The following CAMSAP1 variants were observed in gnomAD, a reference collection of about 807,000 sequenced individuals.
CAMSAP1 encodes the protein calmodulin regulated spectrin associated protein 1.
In CAMSAP1, 58 loss-of-function variants were observed where a neutral mutation model predicts 143.5. That is an observed-to-expected ratio of 0.40 (90% CI 0.33 to 0.50). The LOEUF (loss-of-function observed/expected upper bound fraction) is 0.50. Ranked by LOEUF, CAMSAP1 falls within the 20% of genes least tolerant of loss-of-function variation. CAMSAP1 has a pLI of 0.45. For synonymous variants in CAMSAP1, 945 were observed against 859.3 expected, an observed-to-expected ratio of 1.10 and a Z score of -1.74; for missense variants, 1,969 against 2,115.7, an observed-to-expected ratio of 0.93 and a Z score of 1.36.
intron 1 of CAMSAP1, among the ~76,000 whole-genome samples, chr9:135,904,257 C>G (rs1350900717): frequency 6.6e-6 from 1 of 151,872 alleles, no homozygotes; most frequent in African/African-American, 2.4e-5. Flanking sequence ...AAAAGTTAGC[C>G]AGGCGTGGTG....
chr9:135,822,887 A>C lies in CAMSAP1; in HGVS notation c.1774T>G (p.Leu592Val), dbSNP rs764354946. ...TSESKPDSFF[L>V]EPLMPAVLKP... ...AGAACTGCTGGCATCAAAGGCTCCA[A>C]GAAAAAACTGTCAGGCTTACTTTCC... is the stretch of plus-strand genomic sequence containing the variant. Residue 592 changes from leucine (L) to valine (V), a missense_variant, in exon 11 of 17, where the codon TTG (leucine) becomes GTG (valine). By Grantham distance (32) the Leu-to-Val change is conservative. Around this residue, in one of 4 missense-constraint regions of CAMSAP1, gnomAD observed 1,390 missense variants for 1,420.8 expected, o/e 0.98. Coordinates refer to ENST00000389532, the MANE Select transcript of CAMSAP1 (RefSeq NM_015447.4). The surrounding 1 kb of genome is among the most constrained non-coding windows in gnomAD (Gnocchi z 6.1). The C allele has an allele frequency of 6.2e-7, 1 of 1,613,842 alleles. No individual in the cohort carries two copies. The highest frequency in any genetic ancestry group is 1.1e-5 in the South Asian group (1 of 91,078).
At chr9:135,858,199 A>T (rs1837046851) in intron 5 of CAMSAP1, among the ~76,000 whole-genome samples, 1 of 149,136 alleles carries the variant, frequency 6.7e-6, no homozygotes, top group African/African-American at 2.5e-5. Flanking sequence ...ACTTGTTCAG[A>T]GTCCAGATAT....
At chr9:135,897,931 A>T (rs893554704) in intron 1 of CAMSAP1, among the ~76,000 whole-genome samples, 4 of 152,214 alleles carry the variant, frequency 2.6e-5, no homozygotes, top group African/African-American at 9.7e-5. Flanking sequence ...TGAGTCAAAG[A>T]AGTAGTTATC....
chr9:135,852,580 G>A (rs552514300), intron 5 of CAMSAP1, among the ~76,000 whole-genome samples: 100 of 152,258 alleles, frequency 6.6e-4, no homozygotes, highest in African/African-American at 2.1e-3. Flanking sequence ...ACCAGCCAGC[G>A]CGGCTCCCTC....
rs768026892 is a variant in CAMSAP1, at chr9:135,818,974, T to C, written c.3959+36A>G. 3.1e-6 allele frequency: 5 copies of C among 1,597,790 alleles called. No homozygotes were observed. The highest frequency in any genetic ancestry group is 1.7e-5 in the Admixed American group (1 of 59,366). On this transcript the variant is annotated intron_variant, in intron 12 of 16. Coordinates refer to ENST00000389532, the MANE Select transcript of CAMSAP1 (RefSeq NM_015447.4). The surrounding 1 kb of genome is among the most constrained non-coding windows in gnomAD (Gnocchi z 7.7). ...GGCCGCCAGGGACCCACCAGGCTCC[T>C]GCTCAGTCTGCTTTCCCCCCCGGCG...
At chr9:135,849,202 C>G (rs1455130477) in intron 7 of CAMSAP1, among the ~76,000 whole-genome samples, 1 of 152,214 alleles carries the variant, frequency 6.6e-6, no homozygotes, top group Non-Finnish European at 1.5e-5. Flanking sequence ...CTTACACTAG[C>G]CTACAGCCGG....
At position 135,826,193 on chromosome 9, in the gene CAMSAP1, A is replaced by AGTTTCTTGTGC; in HGVS notation, c.1223+1213_1223+1214insGCACAAGAAAC. On this transcript the variant is annotated intron_variant, in intron 8 of 16. Coordinates refer to ENST00000389532, the MANE Select transcript of CAMSAP1 (RefSeq NM_015447.4). The surrounding 1 kb of genome is among the most constrained non-coding windows in gnomAD (Gnocchi z 4.4). ...ACAGAGCAGCGTGTACACGGGCACC[A>AGTTTCTTGTGC]GCACACACACACACACACACACGGC... The AGTTTCTTGTGC allele has an allele frequency of 6.8e-6, 1 of 146,262 alleles. No individual in the cohort carries two copies. The highest frequency in any genetic ancestry group is 1.6e-5 in the Non-Finnish European group (1 of 64,258). 9.1% of individuals were successfully genotyped at this position (146,262 alleles called of 1,614,324 possible).
rs1835439454 is a variant in CAMSAP1, at chr9:135,821,159, T to A, written c.3502A>T (p.Ser1168Cys). The A allele has an allele frequency of 6.2e-7, 1 of 1,611,790 alleles. No individual in the cohort carries two copies. The highest frequency in any genetic ancestry group is 1.7e-5 in the Admixed American group (1 of 60,016). The change falls in exon 11 of 17, where the codon AGT (serine) becomes TGT (cysteine). Residue 1168 changes from serine to cysteine, a missense_variant. Ser to Cys is a moderately radical substitution (Grantham distance 112). Transcript: ENST00000389532. This position sits in a 1 kb window ranked among gnomAD's most constrained non-coding sequence, Gnocchi z 4.6. Reference sequence around the variant, plus strand: ...TTGCTTTCATCATGGAGCCTGTAACTGTCGAAGAGACACTTCCCATGTGGG... The same window carrying A: ...TTGCTTTCATCATGGAGCCTGTAACAGTCGAAGAGACACTTCCCATGTGGG... ...GDPHGKCLFDSYRLHDESNQR... is the reference protein window; with the variant it reads ...GDPHGKCLFDCYRLHDESNQR...
intron 1 of CAMSAP1, among the ~76,000 whole-genome samples, chr9:135,904,822 G>A (rs1293587374): frequency 2.0e-5 from 3 of 152,146 alleles, no homozygotes; most frequent in East Asian, 3.8e-4. Context: ...AAAACTGGCC[G>A]GGAGTGGGGG....
At chr9:135,848,074 C>T (rs1010175151) in intron 7 of CAMSAP1, among the ~76,000 whole-genome samples, 8 of 151,062 alleles carry the variant, frequency 5.3e-5, no homozygotes, top group African/African-American at 7.3e-5. Flanking sequence ...AGAATAGAAA[C>T]GAATCTGAAA....
intron 15 of CAMSAP1, among the ~76,000 whole-genome samples, 153 bp downstream of exon 15, chr9:135,815,737 C>T (rs1835206963): frequency 6.6e-6 from 1 of 152,260 alleles, no homozygotes; most frequent in African/African-American, 2.4e-5. Flanking sequence ...CATTTCAGCA[C>T]CAAAGAGCTC....
chr9:135,869,431 A>G (rs1837494748), intron 3 of CAMSAP1, among the ~76,000 whole-genome samples: 2 of 151,396 alleles, frequency 1.3e-5, no homozygotes, highest in South Asian at 4.2e-4. Context: ...TGAACCCAGG[A>G]GGCAGAGGTT....
intron 1 of CAMSAP1, among the ~76,000 whole-genome samples, chr9:135,902,426 C>A (rs917142692): frequency 6.6e-6 from 1 of 152,160 alleles, no homozygotes; most frequent in Non-Finnish European, 1.5e-5. Context: ...AGTGGTTTCA[C>A]CTGTAAATTT....
In CAMSAP1 at chr9:135,818,968, G is replaced by C. The variant is rs762345738; in HGVS notation, c.3959+42C>G. 2 of 1,594,790 alleles carry C rather than the reference G, an allele frequency of 1.3e-6. No homozygotes were observed. Among genetic ancestry groups the C allele is most frequent in the South Asian group, 2.2e-5 (2 of 89,268 alleles). ...GACCGGGGCCGCCAGGGACCCACCAGGCTCCTGCTCAGTCTGCTTTCCCCC... is the reference window on the plus strand; with the variant it reads ...GACCGGGGCCGCCAGGGACCCACCACGCTCCTGCTCAGTCTGCTTTCCCCC... On this transcript the variant is annotated intron_variant, in intron 12 of 16. Coordinates refer to ENST00000389532, the MANE Select transcript of CAMSAP1 (RefSeq NM_015447.4). This position sits in a 1 kb window ranked among gnomAD's most constrained non-coding sequence, Gnocchi z 7.7.
At chr9:135,848,667 C>T (rs969371272) in intron 7 of CAMSAP1, among the ~76,000 whole-genome samples, 7 of 152,194 alleles carry the variant, frequency 4.6e-5, no homozygotes, top group African/African-American at 1.4e-4. Context: ...GTGGCTGTGG[C>T]TCACACACAC....
chr9:135,877,405 T>G (rs1332299600), intron 3 of CAMSAP1, among the ~76,000 whole-genome samples: 1 of 151,626 alleles, frequency 6.6e-6, no homozygotes, highest in Non-Finnish European at 1.5e-5. Context: ...TTACCTTGAT[T>G]GTGGTGAATG....
chr9:135,828,317 C>G lies in CAMSAP1; in HGVS notation c.1046-733G>C, dbSNP rs566703773. On this transcript the variant is annotated intron_variant, in intron 7 of 16. Transcript: ENST00000389532. The stretch of plus-strand genomic sequence containing the variant: ...ATGGTGGGGACCAGTGGGAGGGCAC[C>G]CACTAGGTGATGTGTTGTGAACATG... Among the ~76,000 whole-genome samples the G allele has an allele frequency of 3.3e-5, 5 of 152,310 alleles. No homozygotes were observed. In the East Asian group the frequency reaches 7.7e-4, roughly 24 times the overall value.
rs777466634 is a variant in CAMSAP1 at position 135,882,800 on chromosome 9, A to G, written c.423+16T>C. On this transcript the variant is annotated intron_variant, in intron 2 of 16. Coordinates refer to ENST00000389532, the MANE Select transcript of CAMSAP1 (RefSeq NM_015447.4). The surrounding 1 kb of genome is among the most constrained non-coding windows in gnomAD (Gnocchi z 4.9). The stretch of plus-strand genomic sequence containing the variant: ...CAGAGGATGGCCCCTGGGGGCGGCC[A>G]CCGCAGACCACTCACCATTTTTATG... 3 of 1,543,752 alleles carry G rather than the reference A, an allele frequency of 1.9e-6. No individual in the cohort carries two copies. In the African/African-American group the frequency reaches 4.1e-5, roughly 21 times the overall value.
intron 1 of CAMSAP1, among the ~76,000 whole-genome samples, chr9:135,902,753 T>C (rs1348788427): frequency 2.1e-5 from 3 of 142,864 alleles, no homozygotes; most frequent in Admixed American, 2.0e-4. Flanking sequence ...TAGTTCGAAT[T>C]ACTCTAGCAA....
Sources: allele counts gnomAD v4.1 joint callset (sites outside exome capture counted in the v4.1 genomes callset), GRCh38; gene constraint gnomAD v4.1.1; regional missense constraint gnomAD v4.1.1; non-coding constraint Gnocchi (gnomAD v3.1); transcripts MANE v1.5; gene names NCBI Gene and HGNC (gene_info 2026-07-23, HGNC 2026-07-21).